GET1: variants seen among roughly 807,000 people sequenced by gnomAD.
GET1 encodes the protein guided entry of tail-anchored proteins factor 1.
In GET1, 20 loss-of-function variants were observed where a neutral mutation model predicts 22.6. That is an observed-to-expected ratio of 0.89 (90% CI 0.62 to 1.29). The LOEUF (loss-of-function observed/expected upper bound fraction) is 1.29, where lower values mean the gene tolerates loss of function less well. GET1 is among the 50% of genes most tolerant of loss of function. The pLI, the probability that GET1 is intolerant of heterozygous loss-of-function variation, is 0.00. For missense variants in GET1, 209 were observed against 219.9 expected (o/e 0.95, Z 0.31); for synonymous variants, 92 against 83.8 (o/e 1.10, Z -0.53).
intron 1 of GET1, chr21:39,426,075 ATTC>A (rs2074647856): frequency 6.6e-6 from 1 of 152,188 alleles, no homozygotes; most frequent in Non-Finnish European, 1.5e-5. Context: ...CTCCCCCAGT[ATTC>A]TTCTTTGTGT....
At chr21:39,399,878 T>TA (rs1257618305), downstream of GET1, among the ~76,000 whole-genome samples, 3 of 151,726 alleles carry the variant, frequency 2.0e-5, no homozygotes, top group Non-Finnish European at 4.4e-5. Flanking sequence ...AGCAGGGAAA[T>TA]TTTTAAATAT....
In GET1 at chr21:39,390,751, G is replaced by C. The variant is rs774182076; in HGVS notation, c.156G>C (p.Glu52Asp). ...AGCAGGAGTCACAGATGAGAGCGGA[G>C]ATCCAGGACATGAAGCAGGAGCTCT... ...DAEQESQMRA[E>D]IQDMKQELST... is the part of the protein sequence containing the mutation. The change falls in exon 2 of 5, where the codon GAG becomes GAC. Residue 52 changes from glutamate (E) to aspartate (D), a missense_variant. Physicochemically the swap from Glu to Asp is conservative, Grantham distance 45. Transcript: ENST00000649170. The C allele has an allele frequency of 6.2e-7, 1 of 1,614,208 alleles. No homozygotes were observed. Among genetic ancestry groups the C allele is most frequent in the Non-Finnish European group, 8.5e-7 (1 of 1,180,038 alleles).
At chr21:39,387,446 T>C (rs1457518300) in intron 1 of GET1, among the ~76,000 whole-genome samples, 1 of 152,220 alleles carries the variant, frequency 6.6e-6, no homozygotes, top group East Asian at 1.9e-4. Context: ...TTCCTTGCTT[T>C]TGAAAGATAA....
chr21:39,403,481 A>T (rs1443268784), intron 4 of GET1, among the ~76,000 whole-genome samples: 1 of 150,378 alleles, frequency 6.6e-6, no homozygotes, highest in South Asian at 2.1e-4. Flanking sequence ...CGCCGCCACC[A>T]CGCCCGGCTA....
rs771383009 is a variant in GET1 at position 39,396,847 on chromosome 21, T to C, written c.452-19T>C. The C allele has an allele frequency of 1.2e-6, 2 of 1,613,408 alleles. No homozygotes were observed. Among genetic ancestry groups the C allele is most frequent in the Non-Finnish European group, 1.7e-6 (2 of 1,179,548 alleles). On this transcript the variant is annotated intron_variant, in intron 4 of 4. Coordinates refer to ENST00000649170, the MANE Select transcript of GET1 (RefSeq NM_004627.6). ...GCACTGCTGGTATGCGCTCTCATGGTGAATGTCTTTGTTTTCAGGTGGTGT... is the reference window on the plus strand; with the variant it reads ...GCACTGCTGGTATGCGCTCTCATGGCGAATGTCTTTGTTTTCAGGTGGTGT...
At chr21:39,403,419 C>T (rs1024458115) in intron 4 of GET1, among the ~76,000 whole-genome samples, 8 of 151,946 alleles carry the variant, frequency 5.3e-5, no homozygotes, top group East Asian at 3.9e-4. Context: ...CTCCGCCTCC[C>T]GGGTTCACGC....
At chr21:39,391,644 G>A in intron 2 of GET1, 125 bp from the exon 3 acceptor site, 2 of 873,652 alleles carry the variant, frequency 2.3e-6, no homozygotes, top group Non-Finnish European at 1.7e-6. Flanking sequence ...TTCTAAATAT[G>A]TTGAGCGATT....
rs147915021 is a variant in GET1, at chr21:39,414,713, CCTCT to C, written c.*23+3803_*23+3806del. ...AGTACTGCATCTGTCTGGTTCTCTC[CCTCT>C]CTCTCTCTCTCTCTCTCTCTCTCTC... On this transcript the variant is annotated intron_variant, in intron 1 of 1. Transcript: ENST00000478273. Among the ~76,000 whole-genome samples the C allele has an allele frequency of 3.4e-3, 411 of 119,872 alleles. 10 individuals carry two copies. Among genetic ancestry groups the C allele is most frequent in the African/African-American group, 7.9e-3 (238 of 30,196 alleles). 78.6% of individuals were successfully genotyped at this position (119,872 alleles called of 152,430 possible).
intron 1 of GET1, chr21:39,421,880 A>C (rs1352500977): frequency 6.6e-6 from 1 of 152,226 alleles, no homozygotes; most frequent in Non-Finnish European, 1.5e-5. Context: ...TTTTGTATCA[A>C]AGAAAATAGT....
chr21:39,387,936 TATTA>T, intron 1 of GET1: 1 of 811,776 alleles, frequency 1.2e-6, no homozygotes, highest in Non-Finnish European at 1.5e-6. Flanking sequence ...ATTTCGTCTT[TATTA>T]ATCTATTTTT....
intron 1 of GET1, chr21:39,422,738 C>G (rs2073977629): frequency 1.8e-6 from 1 of 544,836 alleles, no homozygotes; most frequent in African/African-American, 1.9e-5. Flanking sequence ...AGTCCAGCCA[C>G]AGAGTGAACT....
chr21:39,398,090 CTTAGCTTTAAGAAA>C (rs1482592732), downstream of GET1, among the ~76,000 whole-genome samples: 2 of 152,196 alleles, frequency 1.3e-5, no homozygotes, highest in East Asian at 3.8e-4. Flanking sequence ...ACCAAGTTTA[CTTAGCTTTAAGAAA>C]GGACAGAGCA....
intron 1 of GET1, chr21:39,420,684 C>A: frequency 1.3e-6 from 2 of 1,592,876 alleles, no homozygotes; most frequent in South Asian, 1.1e-5. Flanking sequence ...TTCATTCTTA[C>A]ATTTTGTTTT....
At chr21:39,409,757 TAA>T (rs2039764227), downstream of GET1, among the ~76,000 whole-genome samples, 1 of 152,102 alleles carries the variant, frequency 6.6e-6, no homozygotes, top group Non-Finnish European at 1.5e-5. This position sits in a 1 kb window ranked among gnomAD's most constrained non-coding sequence, Gnocchi z 4.2. Flanking sequence ...CATGTGCGGT[TAA>T]GTTTTGTATT....
chr21:39,417,401 C>T (rs1218055904), intron 1 of GET1, among the ~76,000 whole-genome samples: 2 of 152,134 alleles, frequency 1.3e-5, no homozygotes, highest in Non-Finnish European at 2.9e-5. Flanking sequence ...TTCATGGTTC[C>T]ATAAAGATAT....
At chr21:39,405,114 T>C (rs1388926979) in intron 4 of GET1, among the ~76,000 whole-genome samples, 2 of 151,812 alleles carry the variant, frequency 1.3e-5, no homozygotes, top group Admixed American at 1.3e-4. Context: ...ATTACTGGCG[T>C]GAGCCATGGC....
chr21:39,380,881 G>A (rs907749553), intron 1 of GET1: 10 of 991,716 alleles, frequency 1.0e-5, no homozygotes, highest in African/African-American at 3.5e-5. Flanking sequence ...TCCAGGTCCC[G>A]GAGAGATGGA....
intron 3 of GET1, among the ~76,000 whole-genome samples, chr21:39,392,514 T>G (rs1281306482): frequency 9.1e-5 from 2 of 21,894 alleles, no homozygotes; most frequent in Admixed American, 6.8e-4. Context: ...TGCTAAGAGA[T>G]AAGTTTCCGC....
At chr21:39,426,789 T>C (rs2074784767) in intron 1 of GET1, among the ~76,000 whole-genome samples, 1 of 152,264 alleles carries the variant, frequency 6.6e-6, no homozygotes, top group Admixed American at 6.5e-5. Flanking sequence ...TCATTTTTGA[T>C]GGAGTCCAGG....
Sources: gnomAD v4.1 joint callset for allele counts (sites outside exome capture counted in the v4.1 genomes callset) on GRCh38, gnomAD v4.1.1 for gene constraint, Gnocchi (gnomAD v3.1) non-coding constraint, MANE v1.5 for transcripts, NCBI Gene and HGNC (gene_info 2026-07-23, HGNC 2026-07-21) for gene names.